The following DLG2 variants were observed in gnomAD, a reference collection of about 807,000 sequenced individuals.
DLG2 encodes disks large homolog 2.
DLG2 carries 45 observed loss-of-function variants against 132.5 expected under a neutral mutation model. The observed-to-expected ratio is 0.34, with a 90% confidence interval of 0.27 to 0.44. DLG2 has a LOEUF of 0.44. Among genes scored for constraint, DLG2 ranks in the 20% least tolerant of loss-of-function variants. The pLI is 1.00. For synonymous variants in DLG2, 424 were observed against 419.6 expected (o/e 1.01, Z -0.13); for missense variants, 1,045 against 1,196.9 (o/e 0.87, Z 1.87).
At chr11:84,495,282 A>G (rs946093835) in intron 7 of DLG2, among the ~76,000 whole-genome samples, 1 of 152,046 alleles carries the variant, frequency 6.6e-6, no homozygotes, top group Non-Finnish European at 1.5e-5. Flanking sequence ...TATTTGATTA[A>G]CCTGCTCTCT....
intron 19 of DLG2, among the ~76,000 whole-genome samples, chr11:83,604,936 G>A (rs1012299513): frequency 6.6e-6 from 1 of 151,814 alleles, no homozygotes. Context: ...ACAGGCCAGA[G>A]CAAATCAGAA....
intron 7 of DLG2, among the ~76,000 whole-genome samples, chr11:84,457,396 C>A (rs1294284491): frequency 6.6e-6 from 1 of 150,738 alleles, no homozygotes; most frequent in Non-Finnish European, 1.5e-5. Context: ...ATAAAATGTG[C>A]TAAAATTCAG....
chr11:85,200,263 T>C (rs547168998), intron 4 of DLG2, among the ~76,000 whole-genome samples: 2 of 152,302 alleles, frequency 1.3e-5, no homozygotes, highest in Admixed American at 6.5e-5. Flanking sequence ...TTTAGCCTGC[T>C]ACCAAAACCA....
At chr11:83,935,282 T>C (rs1226770666) in intron 14 of DLG2, among the ~76,000 whole-genome samples, 1 of 152,158 alleles carries the variant, frequency 6.6e-6, no homozygotes, top group African/African-American at 2.4e-5. Context: ...ACACTGTTTA[T>C]TGGGCCAAGG....
intron 3 of DLG2, among the ~76,000 whole-genome samples, chr11:85,492,705 T>C (rs2093589284): frequency 6.9e-6 from 1 of 145,640 alleles, no homozygotes; most frequent in African/African-American, 2.8e-5. Context: ...ATATTTGGGA[T>C]GGTCTGACTT....
chr11:84,600,030 G>A (rs895351805), intron 6 of DLG2, among the ~76,000 whole-genome samples: 2 of 149,626 alleles, frequency 1.3e-5, no homozygotes, highest in African/African-American at 2.5e-5. Flanking sequence ...GGCTGAGGCT[G>A]CAGTGAATCC....
intron 22 of DLG2, among the ~76,000 whole-genome samples, chr11:83,473,666 T>G (rs970364744): frequency 6.6e-6 from 1 of 152,056 alleles, no homozygotes; most frequent in Admixed American, 6.6e-5. Context: ...AAAAGAACTT[T>G]CTGTCTACTA....
chr11:85,205,157 T>G (rs1051489289), intron 4 of DLG2, among the ~76,000 whole-genome samples: 3 of 146,876 alleles, frequency 2.0e-5, no homozygotes, highest in African/African-American at 2.5e-5. Flanking sequence ...TATATATATA[T>G]ATATATAGAT....
chr11:84,219,227 T>G (rs1050813669), intron 8 of DLG2, among the ~76,000 whole-genome samples: 3 of 152,240 alleles, frequency 2.0e-5, no homozygotes, highest in African/African-American at 7.2e-5. Context: ...ATGAACTTTT[T>G]GTCCCTAGTT....
intron 3 of DLG2, among the ~76,000 whole-genome samples, chr11:85,377,803 ATGTGTGTGTGTGTGTG>A: frequency 7.6e-6 from 1 of 131,308 alleles, no homozygotes; most frequent in Non-Finnish European, 1.6e-5. Context: ...ATATATATAT[ATGTGTGTGTGTGTGTG>A]TGTGTATACA....
chr11:83,884,913 A>C (rs1269565437), intron 15 of DLG2, among the ~76,000 whole-genome samples: 1 of 152,222 alleles, frequency 6.6e-6, no homozygotes, highest in African/African-American at 2.4e-5. Context: ...AAACTAACAA[A>C]CAGAAAGGAT....
rs370172698 is a variant in DLG2, at chr11:84,923,431, A to G, written c.357+188230T>C. ...TTTAAATCACTGGATTAAAAAAAAA[A>G]AAGAAGAAGAAGAAGGAGGGGGGAA... On this transcript the variant is annotated intron_variant, in intron 6 of 27. Coordinates refer to ENST00000376104, the MANE Select transcript of DLG2 (RefSeq NM_001142699.3). The G allele has an allele frequency of 3.6e-4, 356 of 985,394 alleles. 1 individual carries two copies. In the Middle Eastern group the frequency reaches 5.1e-3, roughly 14 times the overall value. The allele number at this position is 985,394 out of a possible 1,614,324, so 61.0% of individuals were successfully genotyped here. A position where few individuals can be genotyped will look rare whatever the true frequency, so the allele number is the denominator to read the frequency against.
chr11:84,984,822 G>C (rs2056267995), intron 6 of DLG2, among the ~76,000 whole-genome samples: 1 of 152,076 alleles, frequency 6.6e-6, no homozygotes, highest in Non-Finnish European at 1.5e-5. Flanking sequence ...ACCAAAAGCG[G>C]GCAGGAGTAG....
At chr11:84,689,936 G>C (rs1450382476) in intron 6 of DLG2, among the ~76,000 whole-genome samples, 1 of 151,900 alleles carries the variant, frequency 6.6e-6, no homozygotes, top group Admixed American at 6.6e-5. Flanking sequence ...ATATTTTGTG[G>C]ATTAAGTGTA....
At chr11:84,587,033 C>G in intron 6 of DLG2, among the ~76,000 whole-genome samples, 1 of 152,140 alleles carries the variant, frequency 6.6e-6, no homozygotes, top group East Asian at 1.9e-4. Context: ...GAACTTTAAC[C>G]TCCTAATATC....
intron 6 of DLG2, among the ~76,000 whole-genome samples, chr11:84,770,281 G>A (rs2069095712): frequency 6.6e-6 from 1 of 152,170 alleles, no homozygotes; most frequent in Non-Finnish European, 1.5e-5. Context: ...ACATCCTGCA[G>A]AATAATAATC....
chr11:85,335,240 G>T (rs1333761575), intron 3 of DLG2, among the ~76,000 whole-genome samples: 4 of 50,738 alleles, frequency 7.9e-5, no homozygotes, highest in Admixed American at 1.8e-4. Context: ...CAGCATCTCT[G>T]CTTTTTTTTT....
intron 7 of DLG2, among the ~76,000 whole-genome samples, chr11:84,452,550 TA>T (rs2099054552): frequency 6.6e-6 from 1 of 151,880 alleles, no homozygotes; most frequent in South Asian, 2.1e-4. Flanking sequence ...TTGGAAAAAC[TA>T]ATTAATATGA....
At chr11:84,912,645 G>C (rs535742236) in intron 6 of DLG2, among the ~76,000 whole-genome samples, 1 of 152,340 alleles carries the variant, frequency 6.6e-6, no homozygotes, top group South Asian at 2.1e-4. Context: ...CTTTGTAAAT[G>C]GAGATGACGG....
Sources: gnomAD v4.1 joint callset for allele counts (sites outside exome capture counted in the v4.1 genomes callset) on GRCh38, gnomAD v4.1.1 for gene constraint, MANE v1.5 for transcripts, NCBI Gene and HGNC (gene_info 2026-07-23, HGNC 2026-07-21) for gene names.